RBFOX3: variants seen among roughly 807,000 people sequenced by gnomAD.
RBFOX3 encodes the protein RNA binding fox-1 homolog 3, also known as RNA binding protein fox-1 homolog 3.
RBFOX3 carries 17 observed loss-of-function variants against 48.7 expected under a neutral mutation model. That is an observed-to-expected ratio of 0.35 (90% CI 0.24 to 0.52). RBFOX3 has a LOEUF of 0.52. RBFOX3 is among the 20% of genes least tolerant of loss of function. The pLI is 0.94. For synonymous variants in RBFOX3, 212 were observed against 209.5 expected, an observed-to-expected ratio of 1.01 and a Z score of -0.10; for missense variants, 382 against 497.5, an observed-to-expected ratio of 0.77 and a Z score of 2.21.
At chr17:79,605,558 C>A (rs2093809079) in intron 1 of RBFOX3, among the ~76,000 whole-genome samples, 3 of 152,162 alleles carry the variant, frequency 2.0e-5, no homozygotes, top group Non-Finnish European at 4.4e-5. Context: ...AGGGAGACGG[C>A]CAGGTACAGA....
intron 3 of RBFOX3, among the ~76,000 whole-genome samples, chr17:79,285,969 C>T (rs1174967059): frequency 6.6e-6 from 1 of 152,228 alleles, no homozygotes; most frequent in African/African-American, 2.4e-5. Flanking sequence ...AGGCGTGAGC[C>T]ACTGCACCCG....
At chr17:79,338,441 CA>C (rs1327522518) in intron 2 of RBFOX3, among the ~76,000 whole-genome samples, 4 of 152,086 alleles carry the variant, frequency 2.6e-5, no homozygotes, top group African/African-American at 4.8e-5. Flanking sequence ...TCTGTCTTTC[CA>C]TGGAATTTCA....
chr17:79,356,348 G>GGT (rs2084999414), intron 2 of RBFOX3, among the ~76,000 whole-genome samples: 1 of 47,270 alleles, frequency 2.1e-5, no homozygotes, highest in Non-Finnish European at 4.1e-5. Context: ...AAACAGGGAA[G>GGT]TTTTTTTTTT....
At chr17:79,495,918 G>A (rs1182065500) in intron 1 of RBFOX3, among the ~76,000 whole-genome samples, 7 of 152,036 alleles carry the variant, frequency 4.6e-5, no homozygotes, top group Admixed American at 2.6e-4. Flanking sequence ...CTCCAGCCTC[G>A]GCACAGCCTG....
At chr17:79,550,452 A>AGC (rs2091024770) in intron 1 of RBFOX3, among the ~76,000 whole-genome samples, 1 of 34,476 alleles carries the variant, frequency 2.9e-5, no homozygotes, top group Non-Finnish European at 1.3e-4. Context: ...AAGGAAGTAC[A>AGC]TCACACACAC....
rs1467727254 is a variant in RBFOX3 at position 79,111,875 on chromosome 17, AGT to A, written c.222+3617_222+3618del. ...ACAGACCCTGGGGGTGGCTCAAGGT[AGT>A]GAGATGGGGTCCCCCGGTCCTTCCG... On this transcript the variant is annotated intron_variant, in intron 5 of 14. Coordinates refer to ENST00000693108, the MANE Select transcript of RBFOX3 (RefSeq NM_001350451.2). This position sits in a 1 kb window ranked among gnomAD's most constrained non-coding sequence, Gnocchi z 4.2. Among the ~76,000 whole-genome samples, 3 of 152,216 alleles carry A rather than the reference AGT, an allele frequency of 2.0e-5. No homozygotes were observed. The highest frequency in any genetic ancestry group is 7.2e-5 in the African/African-American group (3 of 41,456).
intron 4 of RBFOX3, among the ~76,000 whole-genome samples, chr17:79,179,832 C>T (rs2146038162): frequency 6.6e-6 from 1 of 152,302 alleles, no homozygotes; most frequent in African/African-American, 2.4e-5. Flanking sequence ...CCCAACCCTC[C>T]TCACTGGCCA....
At chr17:79,215,785 G>T (rs1381508119) in intron 4 of RBFOX3, among the ~76,000 whole-genome samples, 1 of 152,260 alleles carries the variant, frequency 6.6e-6, no homozygotes, top group Non-Finnish European at 1.5e-5. Flanking sequence ...CTCTCAGCCT[G>T]CCCTGAAGCG....
chr17:79,546,083 A>G (rs880002947), intron 1 of RBFOX3, among the ~76,000 whole-genome samples: 4 of 152,266 alleles, frequency 2.6e-5, no homozygotes, highest in Non-Finnish European at 5.9e-5. Flanking sequence ...AATTTAAAGC[A>G]AATAATCTTC....
chr17:79,114,034 C>T (rs1019805202), intron 5 of RBFOX3, among the ~76,000 whole-genome samples: 1 of 152,130 alleles, frequency 6.6e-6, no homozygotes, highest in African/African-American at 2.4e-5. Context: ...CTGGGACGAA[C>T]CCCTGAGGCT....
chr17:79,285,529 T>A (rs2071660779), intron 3 of RBFOX3, among the ~76,000 whole-genome samples: 2 of 152,170 alleles, frequency 1.3e-5, no homozygotes, highest in Admixed American at 6.5e-5. Flanking sequence ...TAGGTAAAGA[T>A]CTGTAAACCA....
Position 79,254,765 on chromosome 17 carries a change from C to T in RBFOX3, c.-73-18960G>A, listed in dbSNP as rs141230172. On this transcript the variant is annotated intron_variant, in intron 3 of 14. Transcript: ENST00000693108. The surrounding 1 kb of genome is among the most constrained non-coding windows in gnomAD (Gnocchi z 4.8). ...CTTACCTGGACAGTATCCAGGTGGA[C>T]AGGTGCCTTATCTTGGCTGGGCATG... 5.3e-5 allele frequency among the ~76,000 whole-genome samples: 8 copies of T among 152,312 alleles called. No homozygotes were observed. In the East Asian group the frequency reaches 9.7e-4, roughly 18 times the overall value.
intron 4 of RBFOX3, among the ~76,000 whole-genome samples, chr17:79,160,964 G>A (rs2046850156): frequency 1.4e-5 from 2 of 141,132 alleles, no homozygotes; most frequent in South Asian, 4.5e-4. Flanking sequence ...TCGGCAACAA[G>A]AGCGAGACTC....
intron 1 of RBFOX3, among the ~76,000 whole-genome samples, chr17:79,520,309 C>A (rs1449398390): frequency 2.0e-5 from 3 of 152,306 alleles, no homozygotes; most frequent in Non-Finnish European, 4.4e-5. Flanking sequence ...CCCCGTCAGC[C>A]GGAGACTGGG....
rs1038712090 is a variant in RBFOX3 at position 79,293,158 on chromosome 17, T to C, written c.-74+14566A>G. 6.6e-5 allele frequency among the ~76,000 whole-genome samples: 10 copies of C among 152,320 alleles called. No homozygotes were observed. The East Asian group carries it at 1.7e-3, about 26-fold the overall frequency. ...ATTTGACCCTTCCATCAGACCTAGA[T>C]GGTCAACAGAGCACATCTCATTATC... On this transcript the variant is annotated intron_variant, in intron 3 of 14. Coordinates refer to ENST00000693108, the MANE Select transcript of RBFOX3 (RefSeq NM_001350451.2).
At chr17:79,133,992 G>A (rs1038588324) in intron 4 of RBFOX3, among the ~76,000 whole-genome samples, 7 of 152,186 alleles carry the variant, frequency 4.6e-5, no homozygotes, top group Non-Finnish European at 8.8e-5. Context: ...CATTATTAAT[G>A]GCCCATGGTC....
intron 4 of RBFOX3, among the ~76,000 whole-genome samples, chr17:79,158,136 G>A (rs1429432258): frequency 1.3e-5 from 2 of 152,122 alleles, no homozygotes; most frequent in Non-Finnish European, 2.9e-5. Context: ...ACAGACAGAC[G>A]ACCATGTGAG....
intron 2 of RBFOX3, among the ~76,000 whole-genome samples, chr17:79,328,818 C>T: frequency 6.6e-6 from 1 of 152,186 alleles, no homozygotes; most frequent in East Asian, 1.9e-4. Flanking sequence ...AAATTCTTGG[C>T]TTGGACCAAG....
At chr17:79,167,190 C>T (rs903087250) in intron 4 of RBFOX3, among the ~76,000 whole-genome samples, 2 of 152,214 alleles carry the variant, frequency 1.3e-5, no homozygotes, top group Non-Finnish European at 2.9e-5. Context: ...TCAGAGACTT[C>T]CAGACAGTGC....
Sources: allele counts gnomAD v4.1 joint callset (sites outside exome capture counted in the v4.1 genomes callset), GRCh38; gene constraint gnomAD v4.1.1; non-coding constraint Gnocchi (gnomAD v3.1); transcripts MANE v1.5; gene names NCBI Gene and HGNC (gene_info 2026-07-23, HGNC 2026-07-21).